Variants in DENND1B observed in about 807,000 individuals in gnomAD.
DENND1B encodes the protein DENN domain containing 1B, also known as DENN domain-containing protein 1B.
Under a neutral mutation model 90.1 loss-of-function variants are expected in DENND1B, and 59 were observed. That is an observed-to-expected ratio of 0.65 (90% CI 0.53 to 0.81). DENND1B has a LOEUF of 0.81. Ranked by LOEUF, DENND1B falls within the 40% of genes least tolerant of loss-of-function variation. DENND1B has a pLI of 0.00. For synonymous variants in DENND1B, 337 were observed against 324.6 expected, an observed-to-expected ratio of 1.04 and a Z score of -0.41; for missense variants, 862 against 912.6, an observed-to-expected ratio of 0.94 and a Z score of 0.71.
intron 11 of DENND1B, among the ~76,000 whole-genome samples, chr1:197,612,310 C>T (rs969894541): frequency 1.1e-4 from 17 of 150,468 alleles, no homozygotes; most frequent in East Asian, 9.8e-4. Flanking sequence ...GAATCTTTTC[C>T]GTATACCTCA....
chr1:197,576,990 A>G (rs150621477), intron 15 of DENND1B, among the ~76,000 whole-genome samples: 7 of 152,278 alleles, frequency 4.6e-5, no homozygotes, highest in African/African-American at 1.7e-4. Flanking sequence ...GAGAGCCCGT[A>G]AGTTTATAGT....
At chr1:197,561,367 T>C (rs1672148915) in intron 15 of DENND1B, among the ~76,000 whole-genome samples, 1 of 151,878 alleles carries the variant, frequency 6.6e-6, no homozygotes, top group South Asian at 2.1e-4. Flanking sequence ...CCTCCCTCTT[T>C]GGTATTCTTG....
chr1:197,736,942 T>G (rs887137496), intron 2 of DENND1B, among the ~76,000 whole-genome samples: 24 of 152,240 alleles, frequency 1.6e-4, no homozygotes, highest in African/African-American at 5.1e-4. Flanking sequence ...ACTTCATAAA[T>G]GAGATTTCTC....
At chr1:197,618,483 G>A (rs1453059036) in intron 10 of DENND1B, among the ~76,000 whole-genome samples, 1 of 151,078 alleles carries the variant, frequency 6.6e-6, no homozygotes, top group African/African-American at 2.4e-5. Flanking sequence ...TTACACTGTT[G>A]CTATTTTAAA....
intron 14 of DENND1B, among the ~76,000 whole-genome samples, chr1:197,594,630 G>A (rs1675526817): frequency 6.6e-6 from 1 of 151,990 alleles, no homozygotes; most frequent in South Asian, 2.1e-4. Context: ...CACCTTTTTG[G>A]ATACTCTTAA....
chr1:197,719,156 G>C (rs1660923064), intron 2 of DENND1B, among the ~76,000 whole-genome samples: 1 of 152,192 alleles, frequency 6.6e-6, no homozygotes, highest in South Asian at 2.1e-4. Flanking sequence ...TATGATGAAA[G>C]AGAGGCAGTA....
intron 2 of DENND1B, among the ~76,000 whole-genome samples, chr1:197,723,888 T>C (rs1661407429): frequency 6.6e-6 from 1 of 152,088 alleles, no homozygotes; most frequent in Non-Finnish European, 1.5e-5. Context: ...ACAACACTCA[T>C]TATACTTAAC....
intron 15 of DENND1B, among the ~76,000 whole-genome samples, chr1:197,575,247 AAAAAAAACCATT>A (rs2125747689): frequency 6.6e-6 from 1 of 152,216 alleles, no homozygotes; most frequent in African/African-American, 2.4e-5. Flanking sequence ...TTACAAGAAA[AAAAAAAACCATT>A]AAAAAGTGGG....
chr1:197,598,871 TTAGGA>T (rs2125818097), intron 13 of DENND1B, among the ~76,000 whole-genome samples: 1 of 151,940 alleles, frequency 6.6e-6, no homozygotes, highest in East Asian at 1.9e-4. Context: ...TAATTTAGTA[TTAGGA>T]TAGATCACAA....
Position 197,546,076 on chromosome 1 carries a change from A to T in DENND1B, c.1282-86T>A, listed in dbSNP as rs1440027885. Reference sequence around the variant, plus strand: ...AAGTATTACAGTAAGTTGCATATTTAAAAAAAGGGCTTTACTCACAACTTA... The same window carrying T: ...AAGTATTACAGTAAGTTGCATATTTTAAAAAAGGGCTTTACTCACAACTTA... On this transcript the variant is annotated intron_variant, in intron 17 of 22. Coordinates refer to ENST00000620048, the MANE Select transcript of DENND1B (RefSeq NM_001195215.2). 8.3e-6 allele frequency: 9 copies of T among 1,089,280 alleles called. No individual in the cohort carries two copies. In the East Asian group the frequency reaches 1.6e-4, roughly 19 times the overall value. The allele number at this position is 1,089,280 out of a possible 1,614,324, so 67.5% of individuals were successfully genotyped here. A position where few individuals can be genotyped will look rare whatever the true frequency, so the allele number is the denominator to read the frequency against.
chr1:197,724,101 A>G (rs1403445977), intron 2 of DENND1B, among the ~76,000 whole-genome samples: 1 of 152,138 alleles, frequency 6.6e-6, no homozygotes, highest in Non-Finnish European at 1.5e-5. Context: ...AAGTACAGTA[A>G]ACTTCTAATA....
intron 13 of DENND1B, among the ~76,000 whole-genome samples, chr1:197,597,705 T>G (rs768078607): frequency 6.6e-6 from 1 of 151,782 alleles, no homozygotes; most frequent in African/African-American, 2.4e-5. Context: ...AAATCATAAA[T>G]ATGCAGCCTT....
chr1:197,647,225 A>T, intron 7 of DENND1B, 111 bp from the exon 8 acceptor site: 1 of 528,804 alleles, frequency 1.9e-6, no homozygotes, highest in South Asian at 5.6e-5. Context: ...AGCCACTAAA[A>T]AATACTTGAA....
chr1:197,536,007 A>C (rs1669849721), intron 20 of DENND1B, among the ~76,000 whole-genome samples: 2 of 151,616 alleles, frequency 1.3e-5, no homozygotes, highest in Admixed American at 1.3e-4. Flanking sequence ...GGAGGGGAGG[A>C]GAGAAATGAA....
chr1:197,638,396 T>A (rs1248088906), intron 10 of DENND1B, among the ~76,000 whole-genome samples: 1 of 152,196 alleles, frequency 6.6e-6, no homozygotes, highest in Non-Finnish European at 1.5e-5. Flanking sequence ...CCCTTCCACC[T>A]GCTTCTACAG....
At chr1:197,539,888 A>G in intron 20 of DENND1B, 76 bp downstream of exon 20, 2 of 1,256,068 alleles carry the variant, frequency 1.6e-6, no homozygotes, top group South Asian at 2.6e-5. Flanking sequence ...AGTGGATCCA[A>G]ATTGTTCCTA....
In DENND1B at chr1:197,617,639, T is replaced by G; in HGVS notation, c.773+20A>C. 6.3e-7 allele frequency: 1 copy of G among 1,574,932 alleles called. No individual in the cohort carries two copies. Among genetic ancestry groups the G allele is most frequent in the Non-Finnish European group, 8.7e-7 (1 of 1,146,822 alleles). ...ATCATGAAACCTAAACTTAAAGGAG[T>G]CTGGCAAAAGCCAGCTTACCAGCAG... On this transcript the variant is annotated intron_variant, in intron 11 of 22. Coordinates refer to ENST00000620048, the MANE Select transcript of DENND1B (RefSeq NM_001195215.2).
At chr1:197,649,627 T>G (rs1652892104) in intron 7 of DENND1B, among the ~76,000 whole-genome samples, 1 of 152,060 alleles carries the variant, frequency 6.6e-6, no homozygotes, top group Non-Finnish European at 1.5e-5. Context: ...GAAATGACAC[T>G]CTTTTCAACA....
At chr1:197,648,306 T>C (rs10494761) in intron 7 of DENND1B, among the ~76,000 whole-genome samples, 11,688 of 152,228 alleles carry the variant, frequency 0.077, 546 homozygotes, top group Non-Finnish European at 0.099. Flanking sequence ...CTAAAGAGAT[T>C]AACTTTCTTG....
Sources: allele counts gnomAD v4.1 joint callset (sites outside exome capture counted in the v4.1 genomes callset), GRCh38; gene constraint gnomAD v4.1.1; transcripts MANE v1.5; gene names NCBI Gene and HGNC (gene_info 2026-07-23, HGNC 2026-07-21).